The following NTRK2 variants were observed in gnomAD, a reference collection of about 807,000 sequenced individuals.
NTRK2 encodes the protein neurotrophic receptor tyrosine kinase 2.
A neutral mutation model predicts 94.5 loss-of-function variants in NTRK2; 13 were observed. The ratio of observed to expected loss-of-function variants is 0.14; its 90% CI spans 0.09 to 0.22. The LOEUF is 0.22. NTRK2 is among the 10% of genes least tolerant of loss of function. NTRK2 has a pLI of 1.00. For synonymous variants in NTRK2, 372 were observed against 407.4 expected (o/e 0.91, Z 1.05); for missense variants, 639 against 1,071.2 (o/e 0.60, Z 5.63).
intron 12 of NTRK2, among the ~76,000 whole-genome samples, chr9:84,820,577 G>A (rs1024579664): frequency 2.7e-4 from 41 of 151,988 alleles, no homozygotes; most frequent in African/African-American, 8.5e-4. Context: ...TTAACTTTTC[G>A]TTAATTTTTT....
At chr9:84,840,590 C>T (rs2074124301) in intron 12 of NTRK2, among the ~76,000 whole-genome samples, 1 of 152,106 alleles carries the variant, frequency 6.6e-6, no homozygotes, top group Non-Finnish European at 1.5e-5. Flanking sequence ...ACATTTTCTT[C>T]TGAACCGGAT....
chr9:84,895,873 C>A (rs930136649), intron 14 of NTRK2, among the ~76,000 whole-genome samples: 1 of 152,206 alleles, frequency 6.6e-6, no homozygotes, highest in African/African-American at 2.4e-5. Context: ...TGCTCCGAGA[C>A]CTTTAACTCA....
chr9:84,871,738 T>C lies in NTRK2; in HGVS notation c.1633+4307T>C, dbSNP rs374533283. The C allele has an allele frequency of 5.3e-6, 8 of 1,511,942 alleles. No individual in the cohort carries two copies. In the East Asian group the frequency reaches 1.8e-4, roughly 34 times the overall value. 93.7% of individuals were successfully genotyped at this position (1,511,942 alleles called of 1,614,324 possible). A position where few individuals can be genotyped will look rare whatever the true frequency, so the allele number is the denominator to read the frequency against. ...GATTGTAGAGCAATCTGAACAGGGC[T>C]GAATTCCTCCCGAGCACTTTCCAAT... On this transcript the variant is annotated intron_variant, in intron 14 of 18. Transcript: ENST00000277120.
At chr9:84,722,250 G>T (rs976984792) in intron 6 of NTRK2, among the ~76,000 whole-genome samples, 4 of 149,478 alleles carry the variant, frequency 2.7e-5, no homozygotes, top group Non-Finnish European at 4.4e-5. Flanking sequence ...AGTTTGGAAG[G>T]GGGGGTCTCA....
At chr9:84,811,079 A>G (rs1935792339) in intron 12 of NTRK2, 2 of 1,071,740 alleles carry the variant, frequency 1.9e-6, no homozygotes, top group Non-Finnish European at 2.3e-6. Context: ...TACTCTAATC[A>G]GCACTGAATT....
intron 14 of NTRK2, among the ~76,000 whole-genome samples, chr9:84,924,018 A>G: frequency 6.6e-6 from 1 of 152,144 alleles, no homozygotes; most frequent in African/African-American, 2.4e-5. Context: ...AGTGGAGGAT[A>G]CCAGGGATAA....
In NTRK2 at chr9:84,877,615, G is replaced by A. The variant is rs73476412; in HGVS notation, c.1633+10184G>A. The A allele has an allele frequency of 5.7e-3, 6,064 of 1,065,532 alleles. 267 individuals carry two copies. In the African/African-American group the frequency reaches 0.088, roughly 16 times the overall value. 66.0% of individuals were successfully genotyped at this position (1,065,532 alleles called of 1,614,324 possible). On this transcript the variant is annotated intron_variant, in intron 14 of 18. Coordinates refer to ENST00000277120, the MANE Select transcript of NTRK2 (RefSeq NM_006180.6). ...CTGCTGCTGCACCATGTTGGGCTGC[G>A]GTAGGATAGGGAAGGGGTTCTGTTG...
intron 14 of NTRK2, among the ~76,000 whole-genome samples, chr9:84,905,990 G>C: frequency 6.6e-6 from 1 of 152,190 alleles, no homozygotes; most frequent in South Asian, 2.1e-4. Context: ...TCAGGCTTGG[G>C]GCAGCAGAAT....
intron 17 of NTRK2, among the ~76,000 whole-genome samples, chr9:84,978,666 A>G (rs954134594): frequency 1.3e-5 from 2 of 152,236 alleles, no homozygotes; most frequent in African/African-American, 2.4e-5. Flanking sequence ...CAATGTAGAC[A>G]AAACAGCCTT....
intron 2 of NTRK2, among the ~76,000 whole-genome samples, chr9:84,677,381 A>G (rs1308568257): frequency 1.3e-5 from 2 of 152,156 alleles, no homozygotes; most frequent in Non-Finnish European, 2.9e-5. Flanking sequence ...CTCCCATCCA[A>G]AATTCATCCA....
chr9:84,724,576 G>A (rs991685172), intron 8 of NTRK2, among the ~76,000 whole-genome samples: 22 of 151,904 alleles, frequency 1.4e-4, no homozygotes, highest in Admixed American at 1.0e-3. Context: ...CTTCTTTTTC[G>A]ATTTTGAGCT....
chr9:85,021,247 T>A lies in NTRK2; in HGVS notation c.2332-5T>A, dbSNP rs1832761006. Reference sequence around the variant, plus strand: ...TGTCTCATCCTATCTTTGATCTCCATCCAGGTGATAGAGTGTATCACTCAG... The same window carrying A: ...TGTCTCATCCTATCTTTGATCTCCAACCAGGTGATAGAGTGTATCACTCAG... On this transcript the variant is annotated splice_polypyrimidine_tract_variant and splice_region_variant and intron_variant, in intron 18 of 18. Transcript: ENST00000277120. 9 of 1,613,802 alleles carry A rather than the reference T, an allele frequency of 5.6e-6. No individual in the cohort carries two copies. The highest frequency in any genetic ancestry group is 7.6e-6 in the Non-Finnish European group (9 of 1,179,796).
intron 2 of NTRK2, among the ~76,000 whole-genome samples, chr9:84,698,951 C>T (rs181143865): frequency 1.2e-4 from 18 of 152,148 alleles, no homozygotes; most frequent in Admixed American, 9.8e-4. Context: ...CAGTTTGTAG[C>T]TAGCATCTAT....
At chr9:85,012,721 GA>G (rs1831764582) in intron 17 of NTRK2, among the ~76,000 whole-genome samples, 1 of 152,060 alleles carries the variant, frequency 6.6e-6, no homozygotes, top group East Asian at 1.9e-4. Flanking sequence ...TTTCACAGTA[GA>G]AAAAATACAA....
At chr9:85,008,049 T>C (rs1831157801) in intron 17 of NTRK2, among the ~76,000 whole-genome samples, 1 of 152,160 alleles carries the variant, frequency 6.6e-6, no homozygotes, top group Non-Finnish European at 1.5e-5. Flanking sequence ...TCTCTCCTGC[T>C]ACCTTCTATG....
chr9:84,699,759 G>GT (rs941164756), intron 2 of NTRK2, among the ~76,000 whole-genome samples: 6 of 146,684 alleles, frequency 4.1e-5, no homozygotes, highest in South Asian at 4.4e-4. Context: ...TTTTTAAATT[G>GT]TTTTTTTTCT....
chr9:84,791,196 G>A (rs991086993), intron 12 of NTRK2, among the ~76,000 whole-genome samples: 2 of 152,026 alleles, frequency 1.3e-5, no homozygotes, highest in Non-Finnish European at 2.9e-5. Flanking sequence ...CATGAAAGGG[G>A]GCCTGTCCTG....
intron 17 of NTRK2, among the ~76,000 whole-genome samples, chr9:84,956,897 T>C (rs1447003761): frequency 1.3e-5 from 2 of 151,912 alleles, no homozygotes; most frequent in Admixed American, 1.3e-4. Flanking sequence ...TTACATTTTG[T>C]GTGGCAAAAA....
intron 14 of NTRK2, among the ~76,000 whole-genome samples, chr9:84,915,344 C>T (rs973922192): frequency 6.6e-6 from 1 of 152,182 alleles, no homozygotes; most frequent in Non-Finnish European, 1.5e-5. Flanking sequence ...GATGTTTGGA[C>T]TGTGGGGATG....
Sources: gnomAD v4.1 joint callset for allele counts (sites outside exome capture counted in the v4.1 genomes callset) on GRCh38, gnomAD v4.1.1 for gene constraint, MANE v1.5 for transcripts, NCBI Gene and HGNC (gene_info 2026-07-23, HGNC 2026-07-21) for gene names.